The following LUZP1 variants were observed in gnomAD, a reference collection of about 807,000 sequenced individuals.
The protein encoded by LUZP1 is filamin mechanobinding actin cross-linking protein.
A neutral mutation model predicts 71.3 loss-of-function variants in LUZP1; 25 were observed. The ratio of observed to expected loss-of-function variants is 0.35; its 90% CI spans 0.26 to 0.49. The LOEUF (loss-of-function observed/expected upper bound fraction) is 0.49, where lower values mean the gene tolerates loss of function less well. Ranked by LOEUF, LUZP1 falls within the 20% of genes least tolerant of loss-of-function variation. LUZP1 has a pLI of 0.99. For synonymous variants in LUZP1, 481 were observed against 506.4 expected (o/e 0.95, Z 0.67); for missense variants, 1,142 against 1,300.8 (o/e 0.88, Z 1.88).
rs1298163408 is a variant in LUZP1, at chr1:23,091,164, G to A, written c.3072+26C>T. On this transcript the variant is annotated intron_variant, in intron 4 of 4. Transcript: ENST00000302291. The stretch of plus-strand genomic sequence containing the variant: ...AGAAGGAAAAGGGAGGGAGAAAAGA[G>A]AGAGGGGAGAGAGGCTGGAACTCAC... 10 of 1,569,180 alleles carry A rather than the reference G, an allele frequency of 6.4e-6. No individual in the cohort carries two copies. In the East Asian group the frequency reaches 2.0e-4, roughly 32 times the overall value.
At position 23,158,647 on chromosome 1, in the gene LUZP1, CAAAAA is replaced by C. The variant is rs56919514; in HGVS notation, c.-226+10114_-226+10118del. ...GAGTGGCAAGAGCAAGACTCTGTCTCAAAAAAAAAAAAAAAAAAAAAAAAAAAAAA... is the reference window on the plus strand; with the variant it reads ...GAGTGGCAAGAGCAAGACTCTGTCTCAAAAAAAAAAAAAAAAAAAAAAAAA... On this transcript the variant is annotated intron_variant, in intron 2 of 4. Coordinates refer to ENST00000302291, the Ensembl canonical transcript of LUZP1. Among the ~76,000 whole-genome samples the C allele has an allele frequency of 2.2e-4, 13 of 59,926 alleles. No individual in the cohort carries two copies. In the East Asian group the frequency reaches 3.4e-3, roughly 15 times the overall value. 39.3% of individuals were successfully genotyped at this position (59,926 alleles called of 152,430 possible).
Position 23,131,219 on chromosome 1 carries a change from CAAAAAAAAAAAAAA to C in LUZP1, c.-225-22106_-225-22093del, listed in dbSNP as rs71020480. On this transcript the variant is annotated intron_variant, in intron 2 of 4. Coordinates refer to ENST00000302291, the Ensembl canonical transcript of LUZP1. ...CGGGCAACAGAGTGAGACTCCATCT[CAAAAAAAAAAAAAA>C]AAAAAAAAAAAAAAGATCTTTCTAC... Among the ~76,000 whole-genome samples the C allele has an allele frequency of 2.0e-4, 9 of 45,036 alleles. No homozygotes were observed. In the South Asian group the frequency reaches 6.4e-3, roughly 32 times the overall value. The allele number at this position is 45,036 out of a possible 152,430, so 29.5% of individuals were successfully genotyped here.
chr1:23,101,094 A>G lies in LUZP1; in HGVS notation c.-119-6714T>C, dbSNP rs566238570. Among the ~76,000 whole-genome samples the G allele has an allele frequency of 1.3e-5, 2 of 152,316 alleles. 1 individual carries two copies. The highest frequency in any genetic ancestry group is 4.2e-4 in the South Asian group (2 of 4,818). ...ATGACAAAAGAGTATAAAGGAACAA[A>G]TAAGTACAACCACAAATAGGGCAGT... is the stretch of plus-strand genomic sequence containing the variant. On this transcript the variant is annotated intron_variant, in intron 3 of 4. Coordinates refer to ENST00000302291, the Ensembl canonical transcript of LUZP1.
At chr1:23,143,959 T>A (rs1644324029) in intron 2 of LUZP1, among the ~76,000 whole-genome samples, 1 of 152,216 alleles carries the variant, frequency 6.6e-6, no homozygotes, top group South Asian at 2.1e-4. Context: ...AGTATAATGC[T>A]TTATCTACCT....
exon 4 of LUZP1, chr1:23,092,212 G>C (rs761260936): frequency 6.2e-7 from 1 of 1,613,972 alleles, no homozygotes; most frequent in Admixed American, 1.7e-5. Context: ...TGTGGTTTGG[G>C]CTCTGGCTCT....
chr1:23,150,123 AAGAG>A (rs1644373064), intron 2 of LUZP1, among the ~76,000 whole-genome samples: 1 of 152,132 alleles, frequency 6.6e-6, no homozygotes, highest in African/African-American at 2.4e-5. Context: ...GTGAAGATGG[AAGAG>A]AGAAAGATAA....
At chr1:23,168,912 G>T (rs552993120) in exon 2 of LUZP1, 3 of 152,288 alleles carry the variant, frequency 2.0e-5, no homozygotes, top group Non-Finnish European at 4.4e-5. Flanking sequence ...GGGTCTTTGT[G>T]ATGGGCGGGG....
At chr1:23,102,727 A>G (rs1643941222) in intron 3 of LUZP1, among the ~76,000 whole-genome samples, 1 of 152,006 alleles carries the variant, frequency 6.6e-6, no homozygotes, top group East Asian at 1.9e-4. Flanking sequence ...TGGTAAGATG[A>G]GCGGGGAGGA....
chr1:23,138,689 GTGTGTGTGTATATATATATA>G (rs1017695445), intron 2 of LUZP1, among the ~76,000 whole-genome samples: 4 of 106,378 alleles, frequency 3.8e-5, no homozygotes, highest in African/African-American at 1.1e-4. Context: ...GTGTGTGTGT[GTGTGTGTGTATATATATATA>G]TATATAAATG....
intron 1 of LUZP1, chr1:23,169,135 G>T (rs1176027033): frequency 1.3e-5 from 2 of 152,226 alleles, no homozygotes; most frequent in Non-Finnish European, 2.9e-5. Context: ...GAGGCGGACG[G>T]ATCGCTTAAA....
Position 23,094,370 on chromosome 1 carries a change from C to A in LUZP1, c.-109G>T. On this transcript the variant is annotated 5_prime_UTR_variant, in exon 4 of 5. Transcript: ENST00000302291. This position sits in a 1 kb window ranked among gnomAD's most constrained non-coding sequence, Gnocchi z 4.7. ...CACAATCTTCTTTGACAGCTGGAGA[C>A]CATCATCAATCTACAAAAGGAAAGT... 6.8e-7 allele frequency: 1 copy of A among 1,475,748 alleles called. No individual in the cohort carries two copies. The highest frequency in any genetic ancestry group is 1.5e-5 in the South Asian group (1 of 67,918). 91.4% of individuals were successfully genotyped at this position (1,475,748 alleles called of 1,614,324 possible). A position where few individuals can be genotyped will look rare whatever the true frequency, so the allele number is the denominator to read the frequency against.
At chr1:23,128,396 T>C (rs1055201328) in intron 2 of LUZP1, among the ~76,000 whole-genome samples, 22 of 152,158 alleles carry the variant, frequency 1.4e-4, no homozygotes, top group African/African-American at 4.6e-4. Context: ...AAGAGATAAA[T>C]GTACTTGCCT....
At chr1:23,087,219 A>C (rs1439831255) in exon 5 of LUZP1, 1 of 152,206 alleles carries the variant, frequency 6.6e-6, no homozygotes, top group Non-Finnish European at 1.5e-5. Flanking sequence ...GCAGATTGGG[A>C]AACAGGCCCA....
At chr1:23,161,216 G>A (rs1027890584) in intron 2 of LUZP1, among the ~76,000 whole-genome samples, 10 of 152,180 alleles carry the variant, frequency 6.6e-5, no homozygotes, top group East Asian at 3.8e-4. Context: ...ATCTAGCAGG[G>A]AAGACATAAT....
intron 2 of LUZP1, among the ~76,000 whole-genome samples, chr1:23,149,079 T>TTAA (rs1304004735): frequency 7.2e-4 from 27 of 37,408 alleles, no homozygotes; most frequent in Non-Finnish European, 9.8e-4. Context: ...ACACCTTGCC[T>TTAA]AAAAAAAAAA....
chr1:23,088,980 G>A (rs748482461), exon 5 of LUZP1: 2 of 1,614,050 alleles, frequency 1.2e-6, no homozygotes, highest in African/African-American at 2.7e-5. Context: ...CTGCTTCCCA[G>A]GCAGTTCAGA....
chr1:23,089,571 C>G (rs757034656), intron 4 of LUZP1, among the ~76,000 whole-genome samples: 2 of 150,854 alleles, frequency 1.3e-5, no homozygotes, highest in Non-Finnish European at 1.5e-5. Flanking sequence ...GCCCAAATAG[C>G]TGTCTTTCTC....
chr1:23,115,725 G>A (rs963425911), intron 2 of LUZP1, among the ~76,000 whole-genome samples: 1 of 152,088 alleles, frequency 6.6e-6, no homozygotes, highest in African/African-American at 2.4e-5. Flanking sequence ...ATTTTTAGTA[G>A]AGATGGGGTT....
Position 23,146,517 on chromosome 1 carries a change from C to A in LUZP1, c.-226+22249G>T, listed in dbSNP as rs568935401. On this transcript the variant is annotated intron_variant, in intron 2 of 4. Transcript: ENST00000302291. ...CACAGAATTTAAGAACTAAATGGGA[C>A]CCCCATGCGGTGCCTCACACCTGCA... 3.3e-5 allele frequency among the ~76,000 whole-genome samples: 5 copies of A among 152,224 alleles called. No homozygotes were observed. In the East Asian group the frequency reaches 9.6e-4, roughly 29 times the overall value.
Sources: allele counts gnomAD v4.1 joint callset (sites outside exome capture counted in the v4.1 genomes callset), GRCh38; gene constraint gnomAD v4.1.1; non-coding constraint Gnocchi (gnomAD v3.1); transcripts MANE v1.5; gene names NCBI Gene and HGNC (gene_info 2026-07-23, HGNC 2026-07-21).